Variants in ZNF318 observed in about 807,000 individuals in gnomAD.
ZNF318 encodes endocrine regulator.
ZNF318 carries 51 observed loss-of-function variants against 124.2 expected under a neutral mutation model. The observed-to-expected ratio is 0.41, with a 90% CI of 0.33 to 0.52. ZNF318 has a LOEUF of 0.52. Among genes scored for constraint, ZNF318 ranks in the 20% least tolerant of loss-of-function variants. ZNF318 has a pLI of 0.23. For missense variants in ZNF318, 2,815 were observed against 2,811.2 expected, an observed-to-expected ratio of 1.00 and a Z score of -0.03; for synonymous variants, 1,090 against 1,040.7, an observed-to-expected ratio of 1.05 and a Z score of -0.91.
rs1330796019 is a variant in ZNF318, at chr6:43,342,686, T to C, written c.3266A>G (p.Lys1089Arg). The C allele has an allele frequency of 6.2e-7, 1 of 1,614,228 alleles. No individual in the cohort carries two copies. The highest frequency in any genetic ancestry group is 8.5e-7 in the Non-Finnish European group (1 of 1,180,034). The change falls in exon 7 of 10, where the codon AAG (lysine) becomes AGG (arginine). Residue 1089 changes from lysine to arginine, a missense_variant. Around this residue, in one of 4 missense-constraint regions of ZNF318, gnomAD observed 500 missense variants for 605.2 expected, o/e 0.83. Coordinates refer to ENST00000361428, the MANE Select transcript of ZNF318 (RefSeq NM_014345.3). ...GAGTAGGATACCAACCTGTGTGTGC[T>C]TCTTATTGTGCATATGAGTGAAGAA... ...FDFFTHMHNKKHTQTLDPYNR... is the reference protein window; with the variant it reads ...FDFFTHMHNKRHTQTLDPYNR...
intron 6 of ZNF318, among the ~76,000 whole-genome samples, chr6:43,346,409 A>C (rs992010719): frequency 6.6e-6 from 1 of 150,578 alleles, no homozygotes; most frequent in Non-Finnish European, 1.5e-5. Flanking sequence ...TGAACCTGGG[A>C]GGCGGAGGTT....
rs754456107 is a variant in ZNF318, at chr6:43,357,508, C to A, written c.806G>T (p.Arg269Leu). ...GYSIRSEERS[R>L]EAKRPRYDDT... The stretch of plus-strand genomic sequence containing the variant: ...ATCATAACGGGGTCTTTTGGCCTCC[C>A]GGCTCCTTTCTTCAGATCGTATGGA... The change falls in exon 3 of 10, where the codon CGG becomes CTG. Residue 269 changes from arginine to leucine, a missense_variant. By Grantham distance (102) the Arg-to-Leu change is moderately radical. Around this residue, in one of 4 missense-constraint regions of ZNF318, gnomAD observed 1,377 missense variants for 1,353.5 expected, o/e 1.02. Transcript: ENST00000361428. The A allele has an allele frequency of 8.1e-6, 13 of 1,613,998 alleles. No individual in the cohort carries two copies. Among genetic ancestry groups the A allele is most frequent in the South Asian group, 6.6e-5 (6 of 91,078 alleles).
intron 2 of ZNF318, among the ~76,000 whole-genome samples, chr6:43,359,436 C>T (rs954215633): frequency 1.3e-5 from 2 of 152,180 alleles, no homozygotes; most frequent in African/African-American, 4.8e-5. Flanking sequence ...TGATTTAAAT[C>T]ACAGATAGAA....
intron 3 of ZNF318, 78 bp from the exon 4 acceptor site, chr6:43,356,223 T>G (rs1779607510): frequency 6.8e-7 from 1 of 1,461,128 alleles, no homozygotes; most frequent in Non-Finnish European, 9.1e-7. Context: ...ACTTAAATAC[T>G]TTGGTCTTCC....
At chr6:43,357,033 GATACC>G (rs1345652321) in intron 3 of ZNF318, 88 bp downstream of exon 3, 5 of 1,415,792 alleles carry the variant, frequency 3.5e-6, no homozygotes, top group Admixed American at 2.3e-5. Context: ...ATATTACAAA[GATACC>G]ATTAGGAACA....
At chr6:43,340,730 A>G (rs1779363925) in intron 9 of ZNF318, 60 bp downstream of exon 9, 4 of 1,548,452 alleles carry the variant, frequency 2.6e-6, no homozygotes, top group East Asian at 2.2e-5. Context: ...GCCATTTGAC[A>G]AAGTCAAAAT....
rs947659133 is a variant in ZNF318, at chr6:43,368,827, G to C, written c.399+140C>G. 12 of 1,234,824 alleles carry C rather than the reference G, an allele frequency of 9.7e-6. No individual in the cohort carries two copies. The African/African-American group carries it at 1.9e-4, about 19-fold the overall frequency. 76.5% of individuals were successfully genotyped at this position (1,234,824 alleles called of 1,614,324 possible). ...CTCCCGGGTCTGACAGAAGCCTCCA[G>C]GCTCGGCATCCCCGAGGGAGTTGGC... is the stretch of plus-strand genomic sequence containing the variant. On this transcript the variant is annotated intron_variant, in intron 1 of 9. Coordinates refer to ENST00000361428, the MANE Select transcript of ZNF318 (RefSeq NM_014345.3).
At chr6:43,348,023 C>A (rs147690734) in intron 6 of ZNF318, among the ~76,000 whole-genome samples, 3 of 152,188 alleles carry the variant, frequency 2.0e-5, no homozygotes, top group African/African-American at 7.2e-5. Flanking sequence ...TAAATATGAA[C>A]CCCCCAAAAG....
chr6:43,368,512 G>C (rs530688574), intron 1 of ZNF318, among the ~76,000 whole-genome samples: 1 of 152,202 alleles, frequency 6.6e-6, no homozygotes, highest in Non-Finnish European at 1.5e-5. Context: ...TAGACGTAAA[G>C]CCTGGTAGGG....
intron 2 of ZNF318, 69 bp from the exon 3 acceptor site, chr6:43,357,834 A>C: frequency 7.0e-7 from 1 of 1,422,466 alleles, no homozygotes; most frequent in Non-Finnish European, 9.4e-7. Flanking sequence ...AGGCTAAGAG[A>C]CTGGTGTTTG....
intron 6 of ZNF318, among the ~76,000 whole-genome samples, chr6:43,344,273 A>G (rs372369672): frequency 1.3e-5 from 2 of 152,226 alleles, no homozygotes; most frequent in African/African-American, 4.8e-5. Context: ...ACCATCTTCT[A>G]GAAGATAATC....
rs1779331168 is a variant in ZNF318, at chr6:43,338,962, C to T, written c.5036G>A (p.Arg1679Lys). Residue 1679 changes from arginine (R) to lysine (K), a missense_variant, in exon 10 of 10, where the codon AGG becomes AAG. Physicochemically the swap from Arg to Lys is conservative, Grantham distance 26. Transcript: ENST00000361428. ...STYGFLQPLT[R>K]LCQSRPYETI... is the part of the protein sequence containing the mutation. ...TTCATAAGGCCTGCTTTGGCACAAC[C>T]TTGTCAGAGGCTGTAGGAAGCCATA... The T allele has an allele frequency of 6.2e-7, 1 of 1,614,184 alleles. No individual in the cohort carries two copies. Among genetic ancestry groups the T allele is most frequent in the East Asian group, 2.2e-5 (1 of 44,882 alleles).
intron 6 of ZNF318, 67 bp downstream of exon 6, chr6:43,348,257 T>C (rs1257905242): frequency 9.7e-6 from 14 of 1,449,128 alleles, no homozygotes; most frequent in Non-Finnish European, 1.3e-5. Context: ...GTTAAGAAAA[T>C]GGTTAGAAAA....
chr6:43,337,260 C>G lies in ZNF318; in HGVS notation c.6738G>C (p.Arg2246Ser). 6.2e-7 allele frequency: 1 copy of G among 1,614,148 alleles called. No homozygotes were observed. Among genetic ancestry groups the G allele is most frequent in the Non-Finnish European group, 8.5e-7 (1 of 1,180,012 alleles). ...CCATATTGTCTTCAATTACCTGCTC[C>G]CTTGGAGGGGACCTTGACACTGGAG... The part of the protein sequence containing the change: ...VKAPVSRSPP[R>S]EQVIEDNMVP... The change falls in exon 10 of 10, where the codon AGG (arginine) becomes AGC (serine). Residue 2246 changes from arginine to serine, a missense_variant. Arg to Ser is a moderately radical substitution (Grantham distance 110, BLOSUM62 -1). This residue lies in a region of ZNF318 where 927 missense variants were observed against 820.6 expected (regional missense o/e 1.13). Coordinates refer to ENST00000361428, the MANE Select transcript of ZNF318 (RefSeq NM_014345.3).
In ZNF318 at chr6:43,337,184, G is replaced by A; in HGVS notation, c.6814C>T (p.His2272Tyr). ...TAGTTGTGAACACTGGATTCTGTGT[G>A]GTCCTGGATGGCACCAACTGTAGTT... is the stretch of plus-strand genomic sequence containing the variant. ...QETTVGAIQD[H>Y]TESSVHN The change falls in exon 10 of 10, where the codon CAC becomes TAC. Residue 2272 changes from histidine (H) to tyrosine (Y), a missense_variant. By Grantham distance (83) the His-to-Tyr change is moderately conservative. Coordinates refer to ENST00000361428, the MANE Select transcript of ZNF318 (RefSeq NM_014345.3). 6.2e-7 allele frequency: 1 copy of A among 1,603,954 alleles called. No homozygotes were observed.
At chr6:43,341,666 A>G (rs900360753) in intron 8 of ZNF318, among the ~76,000 whole-genome samples, 27 of 152,008 alleles carry the variant, frequency 1.8e-4, no homozygotes, top group African/African-American at 6.0e-4. Context: ...AAAAAAAAAA[A>G]AAAAAAGAAA....
At chr6:43,362,438 CA>C (rs1181793658) in intron 2 of ZNF318, among the ~76,000 whole-genome samples, 1 of 149,472 alleles carries the variant, frequency 6.7e-6, no homozygotes, top group Non-Finnish European at 1.5e-5. Context: ...GGCAACAGTG[CA>C]AGACTCTGTC....
Position 43,338,393 on chromosome 6 carries a change from A to C in ZNF318, c.5605T>G (p.Ser1869Ala), listed in dbSNP as rs781652095. 14 of 1,614,216 alleles carry C rather than the reference A, an allele frequency of 8.7e-6. No individual in the cohort carries two copies. In the South Asian group the frequency reaches 1.5e-4, roughly 18 times the overall value. ...ACSFTKAKLD[S>A]FLSEARSLLN... ...AAAGACCTAGCTTCTGATAAAAATGAGTCTAATTTTGCCTTTGTGAAAGAG... is the reference window on the plus strand; with the variant it reads ...AAAGACCTAGCTTCTGATAAAAATGCGTCTAATTTTGCCTTTGTGAAAGAG... The change falls in exon 10 of 10, where the codon TCA becomes GCA. Residue 1869 changes from serine to alanine, a missense_variant. This residue lies in a region of ZNF318 where 927 missense variants were observed against 820.6 expected (regional missense o/e 1.13). Transcript: ENST00000361428.
intron 2 of ZNF318, among the ~76,000 whole-genome samples, chr6:43,362,724 G>A (rs1374664623): frequency 6.6e-6 from 1 of 151,808 alleles, no homozygotes; most frequent in African/African-American, 2.4e-5. Flanking sequence ...GGATGGTCTC[G>A]AACTCCTGAC....
Sources: gnomAD v4.1 joint callset for allele counts (sites outside exome capture counted in the v4.1 genomes callset) on GRCh38, gnomAD v4.1.1 for gene constraint, gnomAD v4.1.1 regional missense constraint, MANE v1.5 for transcripts, NCBI Gene and HGNC (gene_info 2026-07-23, HGNC 2026-07-21) for gene names.